Variants in FBLN5 observed in about 807,000 individuals in gnomAD.
FBLN5 encodes the protein fibulin 5, also known as fibulin-5.
In FBLN5, 24 loss-of-function variants were observed where a neutral mutation model predicts 61.6. The ratio of observed to expected loss-of-function variants is 0.39; its 90% confidence interval spans 0.28 to 0.55. The LOEUF is 0.55. Ranked by LOEUF, FBLN5 falls within the 20% of genes least tolerant of loss-of-function variation. The pLI is 0.65. For synonymous variants in FBLN5, 213 were observed against 219.8 expected (o/e 0.97, Z 0.27); for missense variants, 470 against 594.1 (o/e 0.79, Z 2.17).
At chr14:91,921,817 G>A (rs2055740208) in intron 4 of FBLN5, among the ~76,000 whole-genome samples, 1 of 152,178 alleles carries the variant, frequency 6.6e-6, no homozygotes, top group Admixed American at 6.5e-5. Context: ...AAGTGTGAAG[G>A]CCCTGAGGTC....
intron 2 of FBLN5, 34 bp downstream of exon 2, chr14:91,942,873 G>A (rs766688945): frequency 2.9e-5 from 40 of 1,387,194 alleles, no homozygotes; most frequent in Non-Finnish European, 3.5e-5. Flanking sequence ...ATTTTAATAC[G>A]CTTGTAGATA....
intron 4 of FBLN5, among the ~76,000 whole-genome samples, chr14:91,926,538 T>G (rs186027104): frequency 6.6e-6 from 1 of 152,316 alleles, no homozygotes; most frequent in Non-Finnish European, 1.5e-5. Flanking sequence ...CTGTGGCCTG[T>G]GTGAGGTCAG....
intron 1 of FBLN5, among the ~76,000 whole-genome samples, chr14:91,944,767 A>G (rs1217815431): frequency 2.0e-5 from 3 of 152,208 alleles, no homozygotes; most frequent in Non-Finnish European, 4.4e-5. Context: ...CAGAGACAAA[A>G]AGTGGAATGT....
chr14:91,872,744 G>A (rs1416981415), intron 10 of FBLN5, among the ~76,000 whole-genome samples: 1 of 152,162 alleles, frequency 6.6e-6, no homozygotes, highest in African/African-American at 2.4e-5. Flanking sequence ...CAGATTTCTT[G>A]GACTTCCTTG....
chr14:91,871,353 A>G (rs1018012279), intron 10 of FBLN5, among the ~76,000 whole-genome samples: 4 of 152,004 alleles, frequency 2.6e-5, no homozygotes, highest in African/African-American at 7.3e-5. Context: ...GGAATTTAAG[A>G]ACCCCCCTCT....
At chr14:91,934,374 T>G (rs1205118475) in intron 4 of FBLN5, among the ~76,000 whole-genome samples, 1 of 152,200 alleles carries the variant, frequency 6.6e-6, no homozygotes, top group African/African-American at 2.4e-5. Flanking sequence ...GTTTCTTAGT[T>G]TCTCTGCTTC....
rs200272926 is a variant in FBLN5, at chr14:91,919,345, AAAAAAGAAAAG to A, written c.379+17591_379+17601del. The stretch of plus-strand genomic sequence containing the variant: ...GACTCTGTCTCAAAAAAAAGAAAAA[AAAAAAGAAAAG>A]AAAAGAAAAGAAAAGAAAAGAAAAG... On this transcript the variant is annotated intron_variant, in intron 4 of 10. Transcript: ENST00000342058. 0.015 allele frequency among the ~76,000 whole-genome samples: 1,653 copies of A among 112,990 alleles called. 71 individuals are homozygous for A. The East Asian group carries it at 0.15, about 10-fold the overall frequency. 74.1% of individuals were successfully genotyped at this position (112,990 alleles called of 152,430 possible).
intron 10 of FBLN5, among the ~76,000 whole-genome samples, chr14:91,875,410 G>A (rs998268931): frequency 6.6e-6 from 1 of 152,108 alleles, no homozygotes; most frequent in African/African-American, 2.4e-5. Context: ...CTACCACCAC[G>A]GCACATCTGT....
At chr14:91,895,744 G>T (rs988094107) in intron 4 of FBLN5, among the ~76,000 whole-genome samples, 1 of 141,858 alleles carries the variant, frequency 7.0e-6, no homozygotes, top group Non-Finnish European at 1.5e-5. Context: ...GCTGCAGTGA[G>T]CCGAGATCGC....
chr14:91,877,949 A>C (rs1162104012), intron 9 of FBLN5: 1 of 574,176 alleles, frequency 1.7e-6, no homozygotes, highest in Non-Finnish European at 3.3e-6. Flanking sequence ...GGTTTTCAGA[A>C]CATTAGAACA....
chr14:91,927,253 T>C (rs947695011), intron 4 of FBLN5, among the ~76,000 whole-genome samples: 6 of 152,232 alleles, frequency 3.9e-5, no homozygotes, highest in African/African-American at 1.4e-4. Flanking sequence ...ATGGTATTTT[T>C]ACTTCTTTCA....
intron 4 of FBLN5, among the ~76,000 whole-genome samples, chr14:91,903,535 A>C (rs1890548594): frequency 6.6e-6 from 1 of 152,078 alleles, no homozygotes; most frequent in East Asian, 1.9e-4. Context: ...TGACTCCTGT[A>C]ATCTCCCCAT....
At chr14:91,902,486 G>A (rs1410062022) in intron 4 of FBLN5, among the ~76,000 whole-genome samples, 2 of 152,116 alleles carry the variant, frequency 1.3e-5, no homozygotes, top group African/African-American at 4.8e-5. Flanking sequence ...AGAATTTCCA[G>A]GGCTGAGGCT....
chr14:91,920,474 C>G (rs1023920422), intron 4 of FBLN5, among the ~76,000 whole-genome samples: 4 of 152,096 alleles, frequency 2.6e-5, no homozygotes, highest in African/African-American at 9.7e-5. Context: ...TGAATCTGAT[C>G]TCTTTGCACA....
chr14:91,885,672 G>A (rs981460025), intron 7 of FBLN5, among the ~76,000 whole-genome samples: 16 of 152,128 alleles, frequency 1.1e-4, no homozygotes, highest in Admixed American at 1.0e-3. Flanking sequence ...GGAGTGACTT[G>A]GTCAAGAAAA....
chr14:91,869,431 G>C lies in FBLN5; in HGVS notation c.*793C>G, dbSNP rs1459930038. 1 of 152,294 alleles carries C rather than the reference G, an allele frequency of 6.6e-6. No homozygotes were observed. The highest frequency in any genetic ancestry group is 1.9e-4 in the East Asian group (1 of 5,202). 9.4% of individuals were successfully genotyped at this position (152,294 alleles called of 1,614,324 possible). On this transcript the variant is annotated 3_prime_UTR_variant, in exon 11 of 11. Coordinates refer to ENST00000342058, the MANE Select transcript of FBLN5 (RefSeq NM_006329.4). ...CAAGCTCTCTTCAAATATTTAATCA[G>C]TTTGGAGACCTCTGCATTCCAATCC... is the stretch of plus-strand genomic sequence containing the variant.
At chr14:91,944,728 A>T (rs7152232) in intron 1 of FBLN5, among the ~76,000 whole-genome samples, 2,250 of 152,352 alleles carry the variant, frequency 0.015, 34 homozygotes, top group African/African-American at 0.044. Flanking sequence ...GGGTCCATTT[A>T]TACGAGGCAC....
chr14:91,926,959 T>A (rs2055840078), intron 4 of FBLN5, among the ~76,000 whole-genome samples: 1 of 152,148 alleles, frequency 6.6e-6, no homozygotes, highest in Admixed American at 6.5e-5. Context: ...AACGGTGCAG[T>A]GATAGGATTC....
At chr14:91,914,445 T>A (rs1373280673) in intron 4 of FBLN5, among the ~76,000 whole-genome samples, 14 of 119,526 alleles carry the variant, frequency 1.2e-4, no homozygotes, top group Non-Finnish European at 1.6e-5. Flanking sequence ...GCCACTGCAC[T>A]CCAGCCTGGG....
Sources: gnomAD v4.1 joint callset for allele counts (sites outside exome capture counted in the v4.1 genomes callset) on GRCh38, gnomAD v4.1.1 for gene constraint, MANE v1.5 for transcripts, NCBI Gene and HGNC (gene_info 2026-07-23, HGNC 2026-07-21) for gene names.